TTC12: variants seen among roughly 807,000 people sequenced by gnomAD.
TTC12 encodes tetratricopeptide repeat protein 12.
Under a neutral mutation model 90.1 loss-of-function variants are expected in TTC12, and 70 were observed. That is an observed-to-expected ratio of 0.78 (90% CI 0.64 to 0.95). TTC12 has a LOEUF of 0.95. TTC12 is among the 40% of genes least tolerant of loss of function. TTC12 has a pLI of 0.00. For synonymous variants in TTC12, 296 were observed against 311.5 expected (o/e 0.95, Z 0.53); for missense variants, 819 against 846.1 (o/e 0.97, Z 0.40).
At position 113,338,808 on chromosome 11, in the gene TTC12, A is replaced by C; in HGVS notation, c.611A>C (p.Asn204Thr). ...RECYKKILEINPKLQTQVKGY... is the reference protein window; with the variant it reads ...RECYKKILEITPKLQTQVKGY... ...TGTTATAAGAAGATCTTAGAAATAAACCCCAAGCTGCAAACCCAGGTGAAA... is the reference window on the plus strand; with the variant it reads ...TGTTATAAGAAGATCTTAGAAATAACCCCCAAGCTGCAAACCCAGGTGAAA... The change falls in exon 9 of 22, where the codon AAC becomes ACC. Residue 204 changes from asparagine to threonine, a missense_variant. By Grantham distance (65) the Asn-to-Thr change is moderately conservative (BLOSUM62 0). Transcript: ENST00000529221. 2 of 1,613,972 alleles carry C rather than the reference A, an allele frequency of 1.2e-6. No individual in the cohort carries two copies. The highest frequency in any genetic ancestry group is 1.7e-6 in the Non-Finnish European group (2 of 1,179,926).
chr11:113,318,897 A>G (rs1555137002), intron 2 of TTC12, among the ~76,000 whole-genome samples: 1 of 152,166 alleles, frequency 6.6e-6, no homozygotes, highest in East Asian at 1.9e-4. Context: ...CTTGGAAACC[A>G]TGGTAAGGAA....
chr11:113,331,175 G>A (rs934040254), intron 7 of TTC12, among the ~76,000 whole-genome samples: 4 of 152,086 alleles, frequency 2.6e-5, no homozygotes, highest in Admixed American at 1.3e-4. Flanking sequence ...GGCAAATTTT[G>A]TCCCATTGCA....
downstream of TTC12, chr11:113,366,446 A>G (rs1473624427): frequency 6.9e-7 from 1 of 1,444,574 alleles, no homozygotes; most frequent in Admixed American, 2.2e-5. Flanking sequence ...ACGGGTAACA[A>G]GAGAGTGGGC....
At chr11:113,317,221 G>A in intron 2 of TTC12, among the ~76,000 whole-genome samples, 1 of 152,148 alleles carries the variant, frequency 6.6e-6, no homozygotes, top group East Asian at 1.9e-4. Flanking sequence ...CTGAGCCTCT[G>A]CCTCTATGGT....
At chr11:113,338,506 A>C (rs1948499988) in intron 8 of TTC12, among the ~76,000 whole-genome samples, 1 of 152,232 alleles carries the variant, frequency 6.6e-6, no homozygotes, top group African/African-American at 2.4e-5. Flanking sequence ...GACATGATCC[A>C]CAAGAATTTA....
At chr11:113,329,529 C>T (rs1947897630) in intron 6 of TTC12, 1 of 456,612 alleles carries the variant, frequency 2.2e-6, no homozygotes, top group Admixed American at 2.4e-5. Flanking sequence ...GGTATTTATT[C>T]TCCTGGCCTT....
In TTC12 at chr11:113,323,990, A is replaced by G. The variant is rs1555139869; in HGVS notation, c.223-4A>G. 1.9e-6 allele frequency: 3 copies of G among 1,611,536 alleles called. No homozygotes were observed. Among genetic ancestry groups the G allele is most frequent in the Non-Finnish European group, 2.5e-6 (3 of 1,178,278 alleles). ...TTTGTTTTTATGGTAACCTACGTCT[A>G]CAGAGTGCAGAAGAAATAAACTCAG... is the stretch of plus-strand genomic sequence containing the variant. On this transcript the variant is annotated splice_region_variant and splice_polypyrimidine_tract_variant and intron_variant, in intron 3 of 21. Transcript: ENST00000529221.
intron 4 of TTC12, 51 bp downstream of exon 4, chr11:113,324,066 TTTGA>T (rs1947530187): frequency 2.0e-6 from 3 of 1,476,920 alleles, no homozygotes. Context: ...TAGGACCAGT[TTTGA>T]TTGATTGTAG....
rs1565595453 is a variant in TTC12 at position 113,339,276 on chromosome 11, G to C, written c.638-10G>C. The C allele has an allele frequency of 6.3e-7, 1 of 1,586,808 alleles. No individual in the cohort carries two copies. ...GGGTTTTGTTTTGCTTTCCTTTCTT[G>C]TTTTTCTAGGTTACCTGAATCAAGT... On this transcript the variant is annotated splice_polypyrimidine_tract_variant and intron_variant, in intron 9 of 21. Transcript: ENST00000529221.
chr11:113,326,872 A>G (rs907799583), intron 6 of TTC12, among the ~76,000 whole-genome samples: 5 of 152,208 alleles, frequency 3.3e-5, no homozygotes, highest in Admixed American at 6.5e-5. Context: ...TGTTCAATAA[A>G]TCCTTTTTTA....
At chr11:113,350,478 A>C (rs1555149809) in intron 14 of TTC12, among the ~76,000 whole-genome samples, 1 of 152,194 alleles carries the variant, frequency 6.6e-6, no homozygotes, top group African/African-American at 2.4e-5. Flanking sequence ...TGCCTGGTAC[A>C]TAGGAGCTGC....
chr11:113,336,179 A>G (rs957849790), intron 8 of TTC12, among the ~76,000 whole-genome samples: 10 of 152,124 alleles, frequency 6.6e-5, no homozygotes, highest in African/African-American at 2.4e-4. Context: ...AATGATGTTG[A>G]GGATCTTTTC....
intron 11 of TTC12, among the ~76,000 whole-genome samples, chr11:113,341,033 C>T (rs944526455): frequency 6.6e-6 from 1 of 152,120 alleles, no homozygotes; most frequent in Non-Finnish European, 1.5e-5. Context: ...AGTTTGAGAC[C>T]AGCCTGGCCA....
intron 9 of TTC12, 69 bp from the exon 10 acceptor site, chr11:113,339,217 A>C: frequency 7.5e-7 from 1 of 1,328,352 alleles, no homozygotes; most frequent in East Asian, 2.3e-5. Context: ...AGGAAAAAAA[A>C]AGGTTGCTTC....
intron 7 of TTC12, among the ~76,000 whole-genome samples, chr11:113,331,432 T>A (rs1948061050): frequency 6.6e-6 from 1 of 152,236 alleles, no homozygotes. Flanking sequence ...GTCACTATTT[T>A]CTCTATTTTT....
Position 113,359,422 on chromosome 11 carries a change from C to CA in TTC12, c.1507dup (p.Met503AsnfsTer13). On this transcript the variant is annotated frameshift_variant, in exon 17 of 22. Coordinates refer to ENST00000529221, the MANE Select transcript of TTC12 (RefSeq NM_017868.4). LOFTEE classifies it high-confidence loss of function. ...AGGTTATCTACACACTCCTGGGACT[C>CA]ATGATGAACCTGTGTCTTCAGGCTC... 6.2e-7 allele frequency: 1 copy of CA among 1,613,524 alleles called. No individual in the cohort carries two copies. Among genetic ancestry groups the CA allele is most frequent in the Non-Finnish European group, 8.5e-7 (1 of 1,179,504 alleles).
chr11:113,352,076 GATCCCAA>G lies in TTC12; in HGVS notation c.1316_1322del (p.Asp439GlyfsTer2), dbSNP rs781787273. 8.1e-6 allele frequency: 13 copies of G among 1,613,614 alleles called. No individual in the cohort carries two copies. The highest frequency in any genetic ancestry group is 8.5e-7 in the Non-Finnish European group (1 of 1,179,886). ...TCTCTCAATTCTCATTTAGAAGACA[GATCCCAA>G]GGTAAGCAGCTCCTCGGCTCTGTGC... On this transcript the variant is annotated frameshift_variant, in exon 16 of 22. Coordinates refer to ENST00000529221, the MANE Select transcript of TTC12 (RefSeq NM_017868.4). LOFTEE classifies it high-confidence loss of function.
intron 14 of TTC12, among the ~76,000 whole-genome samples, chr11:113,350,985 A>G (rs928158709): frequency 6.6e-6 from 1 of 152,256 alleles, no homozygotes; most frequent in Non-Finnish European, 1.5e-5. Context: ...TAGAGATTCC[A>G]GTAGCTCCTG....
chr11:113,335,052 G>A lies in TTC12; in HGVS notation c.576+15G>A, dbSNP rs782420349. 1.9e-6 allele frequency: 3 copies of A among 1,591,556 alleles called. No homozygotes were observed. The highest frequency in any genetic ancestry group is 2.6e-6 in the Non-Finnish European group (3 of 1,159,708). ...ACTACAGTGTGGTAAGTTCTTAGAG[G>A]AATGTAATTGACATGTTTGATCACA... On this transcript the variant is annotated intron_variant, in intron 8 of 21. Transcript: ENST00000529221.
Sources: gnomAD v4.1 joint callset for allele counts (sites outside exome capture counted in the v4.1 genomes callset) on GRCh38, gnomAD v4.1.1 for gene constraint, MANE v1.5 for transcripts, NCBI Gene and HGNC (gene_info 2026-07-23, HGNC 2026-07-21) for gene names.